Variants in GALNT11 observed in about 807,000 individuals in gnomAD.
The protein encoded by GALNT11 is polypeptide N-acetylgalactosaminyltransferase 11.
In GALNT11, 47 loss-of-function variants were observed where a neutral mutation model predicts 72.7. The ratio of observed to expected loss-of-function variants is 0.65; its 90% CI spans 0.51 to 0.82. The LOEUF is 0.82. Ranked by LOEUF, GALNT11 falls within the 40% of genes least tolerant of loss-of-function variation. The pLI is 0.00. For synonymous variants in GALNT11, 270 were observed against 286.6 expected, an observed-to-expected ratio of 0.94 and a Z score of 0.58; for missense variants, 677 against 778.4, an observed-to-expected ratio of 0.87 and a Z score of 1.55.
chr7:152,032,479 A>G (rs574780375), intron 1 of GALNT11, among the ~76,000 whole-genome samples: 1 of 152,294 alleles, frequency 6.6e-6, no homozygotes, highest in Non-Finnish European at 1.5e-5. Flanking sequence ...TGAGTCTAAG[A>G]TCTTGCACTA....
chr7:152,037,253 G>A (rs1384390146), intron 1 of GALNT11, among the ~76,000 whole-genome samples: 1 of 152,190 alleles, frequency 6.6e-6, no homozygotes, highest in Non-Finnish European at 1.5e-5. Context: ...GTGAGAGATA[G>A]GGATCTAGTT....
In GALNT11 at chr7:152,077,023, G is replaced by C. The variant is rs143681101; in HGVS notation, c.-38-17167G>C. ...GAGGATCGCTTGAGCCCAGGAGTTGGAGGCTACAGTAATCTATGATCATAA... is the reference window on the plus strand; with the variant it reads ...GAGGATCGCTTGAGCCCAGGAGTTGCAGGCTACAGTAATCTATGATCATAA... On this transcript the variant is annotated intron_variant, in intron 1 of 11. Coordinates refer to ENST00000430044, the MANE Select transcript of GALNT11 (RefSeq NM_022087.4). Among the ~76,000 whole-genome samples, 481 of 152,278 alleles carry C rather than the reference G, an allele frequency of 3.2e-3. 1 individual carries two copies. Among genetic ancestry groups the C allele is most frequent in the Middle Eastern group, 0.01 (3 of 294 alleles).
Position 152,121,662 on chromosome 7 carries a change from G to A in GALNT11, c.1812G>A (p.Trp604Ter). The stretch of plus-strand genomic sequence containing the variant: ...GCGATGGCTCCTCTTCACAGCAGTG[G>A]CATTTGGAAGGTTAAGGTGGATGCT... ...AICDGSSSQQWHLEG is the reference protein window; with the variant it reads ...AICDGSSSQQ Residue 604 changes from tryptophan (W) to a stop codon, truncating the protein, a stop_gained, in exon 12 of 12, where the codon TGG (tryptophan) becomes TGA (stop). Transcript: ENST00000430044. LOFTEE classifies it high-confidence loss of function. The A allele has an allele frequency of 1.9e-6, 3 of 1,614,002 alleles. No individual in the cohort carries two copies. Among genetic ancestry groups the A allele is most frequent in the Non-Finnish European group, 2.5e-6 (3 of 1,179,936 alleles).
At position 152,100,838 on chromosome 7, in the gene GALNT11, G is replaced by C. The variant is rs751066614; in HGVS notation, c.336G>C (p.Leu112Phe). Residue 112 changes from leucine to phenylalanine, a missense_variant, in exon 3 of 12, where the codon TTG becomes TTC. Coordinates refer to ENST00000430044, the MANE Select transcript of GALNT11 (RefSeq NM_022087.4). The part of the protein sequence containing the change: ...FNERDQELRD[L>F]GYQKHAFNML... ...AACGCGATCAAGAGTTGAGAGACTT[G>C]GGCTATCAGAAACATGCTTTTAATA... is the stretch of plus-strand genomic sequence containing the variant. 2.5e-6 allele frequency: 4 copies of C among 1,613,918 alleles called. No individual in the cohort carries two copies. In the South Asian group the frequency reaches 4.4e-5, roughly 18 times the overall value.
chr7:152,084,535 G>A (rs2129026229), intron 1 of GALNT11, among the ~76,000 whole-genome samples: 1 of 152,176 alleles, frequency 6.6e-6, no homozygotes, highest in African/African-American at 2.4e-5. Flanking sequence ...ACTTTTGTTG[G>A]CGTGTTGAGT....
Position 152,120,833 on chromosome 7 carries a change from C to G in GALNT11, c.1560C>G (p.Ile520Met). ...KACDYSDPNQ[I>M]WIYNEEHELV... ...TTTATTTTATTTTTCTTCTCTAGAT[C>G]TGGATCTATAATGAAGAGCATGAAT... The change falls in exon 11 of 12, where the codon ATC becomes ATG. Residue 520 changes from isoleucine (I) to methionine (M), a missense_variant and splice_region_variant. Physicochemically the swap from Ile to Met is conservative, Grantham distance 10 (BLOSUM62 1). Transcript: ENST00000430044. The G allele has an allele frequency of 1.2e-6, 2 of 1,600,496 alleles. No individual in the cohort carries two copies. The highest frequency in any genetic ancestry group is 8.6e-7 in the Non-Finnish European group (1 of 1,169,454).
chr7:152,032,413 G>C (rs2082345982), intron 1 of GALNT11, among the ~76,000 whole-genome samples: 1 of 152,190 alleles, frequency 6.6e-6, no homozygotes, highest in African/African-American at 2.4e-5. Flanking sequence ...GTATTTGAGA[G>C]AGCAGGGTAT....
chr7:152,029,414 C>T (rs751181537), intron 1 of GALNT11, among the ~76,000 whole-genome samples: 3 of 152,160 alleles, frequency 2.0e-5, no homozygotes, highest in African/African-American at 7.2e-5. Context: ...TCTGCACTGA[C>T]GGACTTGAGC....
At chr7:152,030,333 C>CT (rs1258746362) in intron 1 of GALNT11, among the ~76,000 whole-genome samples, 1 of 152,156 alleles carries the variant, frequency 6.6e-6, no homozygotes, top group African/African-American at 2.4e-5. Context: ...AGCCTCAACT[C>CT]TTGTCTTCTG....
intron 1 of GALNT11, among the ~76,000 whole-genome samples, chr7:152,050,790 T>G (rs959751284): frequency 6.6e-6 from 1 of 152,234 alleles, no homozygotes; most frequent in Non-Finnish European, 1.5e-5. Context: ...TTGCTGGAAC[T>G]TGAGTTTCCA....
Position 152,063,792 on chromosome 7 carries a change from T to G in GALNT11, c.-38-30398T>G, listed in dbSNP as rs1000037351. Among the ~76,000 whole-genome samples the G allele has an allele frequency of 1.4e-4, 22 of 152,358 alleles. No individual in the cohort carries two copies. In the East Asian group the frequency reaches 2.1e-3, roughly 15 times the overall value. On this transcript the variant is annotated intron_variant, in intron 1 of 11. Coordinates refer to ENST00000430044, the MANE Select transcript of GALNT11 (RefSeq NM_022087.4). The stretch of plus-strand genomic sequence containing the variant: ...CGGTTTTGAGTGAGTTTCTTAATCC[T>G]GAGTTCTAGTTTGATTGCACTGTGG...
At position 152,025,848 on chromosome 7, in the gene GALNT11, TC is replaced by T. The variant is rs2081979000; in HGVS notation, c.-72del. The T allele has an allele frequency of 3.5e-6, 1 of 283,418 alleles. No homozygotes were observed. 17.6% of individuals were successfully genotyped at this position (283,418 alleles called of 1,614,324 possible). On this transcript the variant is annotated 5_prime_UTR_variant, in exon 1 of 12. It removes the in-frame stop codon of an upstream open reading frame in the 5' UTR. Coordinates refer to ENST00000430044, the MANE Select transcript of GALNT11 (RefSeq NM_022087.4). ...GGGAGAGAAGATGCCGCAGCCCGAG[TC>T]CCAGAAGGCGGCGATCCTGGGCTGC...
intron 2 of GALNT11, among the ~76,000 whole-genome samples, chr7:152,099,756 C>CTTTT (rs959548417): frequency 7.9e-5 from 7 of 88,722 alleles, no homozygotes; most frequent in East Asian, 3.0e-4. Context: ...AACTGTGAAG[C>CTTTT]TTTTTTTTTT....
At chr7:152,108,364 C>T (rs2087813710) in intron 6 of GALNT11, 77 bp downstream of exon 6, 1 of 1,522,470 alleles carries the variant, frequency 6.6e-7, no homozygotes, top group Non-Finnish European at 8.8e-7. Context: ...AAAGATAATT[C>T]CTCCTTCTTT....
At chr7:152,026,470 G>C (rs1228643858) in intron 1 of GALNT11, among the ~76,000 whole-genome samples, 2 of 152,220 alleles carry the variant, frequency 1.3e-5, no homozygotes, top group African/African-American at 2.4e-5. Context: ...TCTTTACCCT[G>C]AAACAGTTGT....
intron 1 of GALNT11, among the ~76,000 whole-genome samples, chr7:152,034,628 C>A (rs2151990797): frequency 6.6e-6 from 1 of 152,274 alleles, no homozygotes; most frequent in South Asian, 2.1e-4. Context: ...GCCCAAGAAC[C>A]CACAATGGTC....
chr7:152,081,598 C>T (rs936126695), intron 1 of GALNT11, among the ~76,000 whole-genome samples: 3 of 152,182 alleles, frequency 2.0e-5, no homozygotes, highest in African/African-American at 7.2e-5. Flanking sequence ...TTTTTGTATA[C>T]ACATTTTTCT....
intron 1 of GALNT11, among the ~76,000 whole-genome samples, chr7:152,035,148 T>G (rs1475537463): frequency 6.6e-6 from 1 of 152,202 alleles, no homozygotes; most frequent in Non-Finnish European, 1.5e-5. Context: ...GAATAGCTTT[T>G]GTTAGGCCTG....
chr7:152,078,101 A>C (rs2085091769), intron 1 of GALNT11, among the ~76,000 whole-genome samples: 2 of 152,178 alleles, frequency 1.3e-5, no homozygotes, highest in South Asian at 2.1e-4. Flanking sequence ...TGAGGGGGGA[A>C]GGCTGGACAA....
Sources: gnomAD v4.1 joint callset for allele counts (sites outside exome capture counted in the v4.1 genomes callset) on GRCh38, gnomAD v4.1.1 for gene constraint, MANE v1.5 for transcripts, NCBI Gene and HGNC (gene_info 2026-07-23, HGNC 2026-07-21) for gene names.